Variants in TMEM41A observed in about 807,000 individuals in gnomAD.
TMEM41A encodes transmembrane protein 41A.
A neutral mutation model predicts 25.7 loss-of-function variants in TMEM41A; 20 were observed. The observed-to-expected ratio is 0.78, with a 90% CI of 0.55 to 1.13. The LOEUF is 1.13. TMEM41A is among the 50% of genes most tolerant of loss of function. The pLI, the probability that TMEM41A is intolerant of heterozygous loss-of-function variation, is 0.00. For missense variants in TMEM41A, 299 were observed against 314.3 expected (o/e 0.95, Z 0.37); for synonymous variants, 133 against 139.6 (o/e 0.95, Z 0.33).
intron 1 of TMEM41A, 142 bp downstream of exon 1, chr3:185,498,701 C>A (rs1719185148): frequency 4.5e-6 from 3 of 669,396 alleles, no homozygotes; most frequent in East Asian, 5.9e-5. Flanking sequence ...GGATACCAGA[C>A]CCGGATTCCA....
chr3:185,495,086 T>C (rs544302704), intron 3 of TMEM41A, 68 bp downstream of exon 3: 1 of 1,568,910 alleles, frequency 6.4e-7, no homozygotes, highest in South Asian at 1.1e-5. Flanking sequence ...TGCCACTCGC[T>C]TCTCTCAAGG....
In TMEM41A at chr3:185,494,691, C is replaced by A. The variant is rs781005363; in HGVS notation, c.506G>T (p.Trp169Leu). The A allele has an allele frequency of 9.3e-6, 15 of 1,612,436 alleles. No homozygotes were observed. The East Asian group carries it at 1.8e-4, about 19-fold the overall frequency. ...FLRLFPMTPN[W>L]FLNLSAPILN... is the part of the protein sequence containing the mutation. ...AATTGGGGCCGAGAGGTTCAAGAACCAGTTTGGTGTCATGGGGAAAAGTCT... is the reference window on the plus strand; with the variant it reads ...AATTGGGGCCGAGAGGTTCAAGAACAAGTTTGGTGTCATGGGGAAAAGTCT... The change falls in exon 4 of 5, where the codon TGG becomes TTG. Residue 169 changes from tryptophan to leucine, a missense_variant. Physicochemically the swap from Trp to Leu is moderately conservative, Grantham distance 61 (BLOSUM62 -2). Coordinates refer to ENST00000421852, the MANE Select transcript of TMEM41A (RefSeq NM_080652.4).
chr3:185,497,019 G>C, intron 1 of TMEM41A, 38 bp from the exon 2 acceptor site: 2 of 1,566,342 alleles, frequency 1.3e-6, no homozygotes, highest in African/African-American at 1.3e-5. Context: ...CATGAGTTCA[G>C]ATCAGTCCAG....
rs1442977806 is a variant in TMEM41A at position 185,495,272 on chromosome 3, A to T, written c.317T>A (p.Leu106Gln). ...GALFGPWLGL[L>Q]LCCVLTSVGA... ...CACCGAGGTCAACACACAGCACAGC[A>T]GAAGCCCCAGCCATGGCCCAAACAA... The change falls in exon 3 of 5, where the codon CTG (leucine) becomes CAG (glutamine). Residue 106 changes from leucine to glutamine, a missense_variant. Transcript: ENST00000421852. 3 of 1,613,964 alleles carry T rather than the reference A, an allele frequency of 1.9e-6. No homozygotes were observed. The highest frequency in any genetic ancestry group is 2.5e-6 in the Non-Finnish European group (3 of 1,179,998).
In TMEM41A at chr3:185,496,827, C is replaced by T. The variant is rs544757617; in HGVS notation, c.273+1G>A. 1 of 1,604,974 alleles carries T rather than the reference C, an allele frequency of 6.2e-7. No individual in the cohort carries two copies. The highest frequency in any genetic ancestry group is 1.1e-5 in the South Asian group (1 of 88,798). On this transcript the variant is annotated splice_donor_variant, in intron 2 of 4. Transcript: ENST00000421852. LOFTEE classifies it high-confidence loss of function. ...GGTTGGAGGGAGGGCAGGACACTGA[C>T]CAGGAAGCTGGAGCCGGGGATGGCA...
At chr3:185,496,435 G>A (rs1719102429) in intron 2 of TMEM41A, 1 of 262,512 alleles carries the variant, frequency 3.8e-6, no homozygotes, top group African/African-American at 2.2e-5. Flanking sequence ...TCTCTGCCCT[G>A]AAGAGGGATC....
intron 1 of TMEM41A, among the ~76,000 whole-genome samples, chr3:185,497,355 A>G (rs1039902525): frequency 6.6e-6 from 1 of 152,228 alleles, no homozygotes; most frequent in Non-Finnish European, 1.5e-5. Context: ...ATTCATTTCC[A>G]GGCAAGTTCT....
rs1210605790 is a variant in TMEM41A, at chr3:185,497,810, G to C, written c.120-829C>G. Among the ~76,000 whole-genome samples, 3 of 152,202 alleles carry C rather than the reference G, an allele frequency of 2.0e-5. No individual in the cohort carries two copies. In the East Asian group the frequency reaches 5.8e-4, roughly 29 times the overall value. On this transcript the variant is annotated intron_variant, in intron 1 of 4. Transcript: ENST00000421852. Reference sequence around the variant, plus strand: ...CAAAAGAATACAGTAACTGAAAACAGCTGCCTTAATAGTCAAATATCAGTA... The same window carrying C: ...CAAAAGAATACAGTAACTGAAAACACCTGCCTTAATAGTCAAATATCAGTA...
Position 185,494,673 on chromosome 3 carries a change from G to C in TMEM41A, c.524C>G (p.Ala175Gly). ...CACGATGGGAATGTTCAGAATTGGG[G>C]CCGAGAGGTTCAAGAACCAGTTTGG... is the stretch of plus-strand genomic sequence containing the variant. Reference protein sequence around the residue: ...MTPNWFLNLSAPILNIPIVQF... With the variant: ...MTPNWFLNLSGPILNIPIVQF... The change falls in exon 4 of 5, where the codon GCC becomes GGC. Residue 175 changes from alanine (A) to glycine (G), a missense_variant. Coordinates refer to ENST00000421852, the MANE Select transcript of TMEM41A (RefSeq NM_080652.4). 1 of 1,612,624 alleles carries C rather than the reference G, an allele frequency of 6.2e-7. No homozygotes were observed. Among genetic ancestry groups the C allele is most frequent in the South Asian group, 1.1e-5 (1 of 90,666 alleles).
chr3:185,491,747 TG>T lies in TMEM41A; in HGVS notation c.584del (p.Pro195HisfsTer16). The T allele has an allele frequency of 1.2e-6, 2 of 1,611,110 alleles. No homozygotes were observed. The highest frequency in any genetic ancestry group is 1.7e-6 in the Non-Finnish European group (2 of 1,178,484). Reference protein sequence around the residue: ...FFFSVLIGLIPYNFICVQTGS... With the variant: ...FFFSVLIGLIXYNFICVQTGS... ...CTGTCTGCACACAGATGAAATTATA[TG>T]GGATCAAACCTGGAAGAAGAAAAGG... On this transcript the variant is annotated frameshift_variant, in exon 5 of 5. Coordinates refer to ENST00000421852, the MANE Select transcript of TMEM41A (RefSeq NM_080652.4). LOFTEE classifies it high-confidence loss of function.
At position 185,496,860 on chromosome 3, in the gene TMEM41A, G is replaced by A. The variant is rs1290466277; in HGVS notation, c.241C>T (p.Gln81Ter). Residue 81 changes from glutamine (Q) to a stop codon, truncating the protein, a stop_gained, in exon 2 of 5, where the codon CAG (glutamine) becomes TAG (stop). Coordinates refer to ENST00000421852, the MANE Select transcript of TMEM41A (RefSeq NM_080652.4). LOFTEE classifies it high-confidence loss of function. ...CTGGAGCCGGGGATGGCAAAGCCCT[G>A]TTTGTAGAGGTAGGCGCCGCAGAAG... ...LLFCGAYLYK[Q>*]GFAIPGSSFL... 2.5e-6 allele frequency: 4 copies of A among 1,608,138 alleles called. No individual in the cohort carries two copies. The African/African-American group carries it at 4.0e-5, about 16-fold the overall frequency.
rs1718900056 is a variant in TMEM41A at position 185,490,062 on chromosome 3, T to A, written c.*1475A>T. ...CAGATGATGCCCAAAAGCAGCAGTC[T>A]GGTAAGTCCTGATGAGTTACTCCTG... On this transcript the variant is annotated 3_prime_UTR_variant, in exon 5 of 5. Coordinates refer to ENST00000421852, the MANE Select transcript of TMEM41A (RefSeq NM_080652.4). The A allele has an allele frequency of 6.6e-6, 1 of 152,210 alleles. No individual in the cohort carries two copies. The highest frequency in any genetic ancestry group is 1.5e-5 in the Non-Finnish European group (1 of 68,044). The allele number at this position is 152,210 out of a possible 1,614,324, so 9.4% of individuals were successfully genotyped here. A position where few individuals can be genotyped will look rare whatever the true frequency, so the allele number is the denominator to read the frequency against.
At chr3:185,492,118 A>G (rs1380824894) in intron 4 of TMEM41A, among the ~76,000 whole-genome samples, 2 of 152,248 alleles carry the variant, frequency 1.3e-5, no homozygotes, top group East Asian at 1.9e-4. Context: ...CCTGGCCAAC[A>G]TGGTGAAACC....
chr3:185,491,444 A>C lies in TMEM41A; in HGVS notation c.*93T>G. 3.8e-5 allele frequency: 36 copies of C among 942,378 alleles called. 1 individual carries two copies. In the South Asian group the frequency reaches 5.3e-4, roughly 14 times the overall value. 58.4% of individuals were successfully genotyped at this position (942,378 alleles called of 1,614,324 possible). ...GCACAGTGTCCACATCACCTATAGA[A>C]GGCAATCAAAAACAATGAGGGGCTT... On this transcript the variant is annotated 3_prime_UTR_variant, in exon 5 of 5. Coordinates refer to ENST00000421852, the MANE Select transcript of TMEM41A (RefSeq NM_080652.4).
intron 1 of TMEM41A, among the ~76,000 whole-genome samples, chr3:185,497,865 G>A (rs1474004318): frequency 1.3e-5 from 2 of 152,116 alleles, no homozygotes; most frequent in Non-Finnish European, 2.9e-5. Context: ...GCTGTACTAG[G>A]CACACTTCCA....
intron 1 of TMEM41A, 111 bp from the exon 2 acceptor site, chr3:185,497,092 C>T (rs768180379): frequency 1.9e-5 from 26 of 1,333,990 alleles, no homozygotes; most frequent in Non-Finnish European, 2.6e-5. Flanking sequence ...TGCCCATCAT[C>T]TGATCTGCTG....
chr3:185,497,052 T>C, intron 1 of TMEM41A, 71 bp from the exon 2 acceptor site: 1 of 1,511,806 alleles, frequency 6.6e-7, no homozygotes, highest in Non-Finnish European at 8.9e-7. Context: ...TCACTCGCTG[T>C]GTCTTCTTTT....
rs377277108 is a variant in TMEM41A at position 185,498,957 on chromosome 3, C to A, written c.5G>T (p.Arg2Leu). MRPLLGLLLVFA... is the reference protein window; with the variant it reads MLPLLGLLLVFA... The stretch of plus-strand genomic sequence containing the variant: ...GACCAGAAGGAGGCCGAGAAGCGGG[C>A]GCATGTCGGCTCCGCACCCCGGCCC... Residue 2 changes from arginine to leucine, a missense_variant, in exon 1 of 5, where the codon CGC becomes CTC. By Grantham distance (102) the Arg-to-Leu change is moderately radical (BLOSUM62 -2). Coordinates refer to ENST00000421852, the MANE Select transcript of TMEM41A (RefSeq NM_080652.4). 1.5e-5 allele frequency: 24 copies of A among 1,598,086 alleles called. No homozygotes were observed. The highest frequency in any genetic ancestry group is 2.7e-5 in the African/African-American group (2 of 74,328).
intron 3 of TMEM41A, 69 bp from the exon 4 acceptor site, chr3:185,494,830 C>T (rs1172048611): frequency 1.3e-6 from 2 of 1,506,900 alleles, no homozygotes; most frequent in South Asian, 1.4e-5. Flanking sequence ...CCTGCTGGTG[C>T]CAGGCACTGT....
Sources: allele counts gnomAD v4.1 joint callset (sites outside exome capture counted in the v4.1 genomes callset), GRCh38; gene constraint gnomAD v4.1.1; transcripts MANE v1.5; gene names NCBI Gene and HGNC (gene_info 2026-07-23, HGNC 2026-07-21).